RBM6: variants seen among roughly 807,000 people sequenced by gnomAD.
RBM6 encodes RNA binding motif protein 6, also known as RNA-binding protein 6.
In RBM6, 23 loss-of-function variants were observed where a neutral mutation model predicts 140.4. The observed-to-expected ratio is 0.16, with a 90% CI of 0.12 to 0.23. The LOEUF is 0.23. Ranked by LOEUF, RBM6 falls within the 10% of genes least tolerant of loss-of-function variation. The probability of loss-of-function intolerance (pLI) is 1.00; values close to 1 mark genes in which losing one functional copy is unlikely to be tolerated. For missense variants in RBM6, 1,139 were observed against 1,386.7 expected, an observed-to-expected ratio of 0.82 and a Z score of 2.84; for synonymous variants, 439 against 475.6, an observed-to-expected ratio of 0.92 and a Z score of 1.00.
intron 7 of RBM6, 38 bp downstream of exon 7, chr3:50,048,357 C>G: frequency 6.3e-7 from 1 of 1,597,122 alleles, no homozygotes; most frequent in Non-Finnish European, 8.6e-7. Context: ...AAGTAAGTAT[C>G]TGGAATAACA....
chr3:49,989,008 G>C (rs981107429), intron 5 of RBM6, among the ~76,000 whole-genome samples: 2 of 151,988 alleles, frequency 1.3e-5, no homozygotes, highest in African/African-American at 2.4e-5. Context: ...TGGACTAGCA[G>C]GAATTCATAG....
At chr3:50,012,251 A>G (rs562766567) in intron 6 of RBM6, among the ~76,000 whole-genome samples, 12 of 151,512 alleles carry the variant, frequency 7.9e-5, no homozygotes, top group East Asian at 5.8e-4. Flanking sequence ...GTCTCAATCT[A>G]TTGCCAAGGT....
Position 50,054,433 on chromosome 3 carries a change from A to G in RBM6, c.1693+38A>G, listed in dbSNP as rs192297388. The G allele has an allele frequency of 2.0e-6, 3 of 1,509,886 alleles. No individual in the cohort carries two copies. In the East Asian group the frequency reaches 6.8e-5, roughly 34 times the overall value. The allele number at this position is 1,509,886 out of a possible 1,614,324, so 93.5% of individuals were successfully genotyped here. The stretch of plus-strand genomic sequence containing the variant: ...AGTGGTAGCAGTTTTTATCTCGTGC[A>G]TTGAGCAAAACAAATTTCATGTTTT... On this transcript the variant is annotated intron_variant, in intron 8 of 20. Coordinates refer to ENST00000266022, the MANE Select transcript of RBM6 (RefSeq NM_005777.3).
intron 5 of RBM6, among the ~76,000 whole-genome samples, chr3:49,978,706 GTAAA>G (rs1428293717): frequency 6.6e-6 from 1 of 152,238 alleles, no homozygotes; most frequent in African/African-American, 2.4e-5. Context: ...ACTAACAGGA[GTAAA>G]TAAAGTCTCA....
chr3:50,018,949 A>G (rs1304679101), intron 6 of RBM6, among the ~76,000 whole-genome samples: 1 of 152,040 alleles, frequency 6.6e-6, no homozygotes, highest in African/African-American at 2.4e-5. Flanking sequence ...TAGCGATTAC[A>G]ATTTGCATTG....
chr3:50,019,551 C>T (rs147986395), intron 6 of RBM6, among the ~76,000 whole-genome samples: 176 of 152,104 alleles, frequency 1.2e-3, no homozygotes, highest in Non-Finnish European at 2.0e-3. Flanking sequence ...GATAGGGTCT[C>T]GCTATGTTGC....
At chr3:50,073,775 G>A (rs530512556) in intron 19 of RBM6, among the ~76,000 whole-genome samples, 2 of 151,928 alleles carry the variant, frequency 1.3e-5, no homozygotes, top group South Asian at 2.1e-4. Context: ...ACTTTTGCCA[G>A]AAGGATGAGG....
intron 5 of RBM6, among the ~76,000 whole-genome samples, chr3:49,993,716 A>C (rs2085937023): frequency 6.6e-6 from 1 of 151,444 alleles, no homozygotes; most frequent in Non-Finnish European, 1.5e-5. Flanking sequence ...AAAAAAAAAC[A>C]ACCCTTGTAT....
Position 50,075,313 on chromosome 3 carries a change from T to C in RBM6, c.3229T>C (p.Leu1077=). 1 of 1,613,630 alleles carries C rather than the reference T, an allele frequency of 6.2e-7. No individual in the cohort carries two copies. Among genetic ancestry groups the C allele is most frequent in the South Asian group, 1.1e-5 (1 of 90,928 alleles). Residue 1077 remains leucine (L), a synonymous_variant, in exon 20 of 21, where the codon TTG becomes CTG. Coordinates refer to ENST00000266022, the MANE Select transcript of RBM6 (RefSeq NM_005777.3). ...AGGCCTGGGATATGGCCATCCTGGA[T>C]TGGCTTCATCAGAGGAGGTAAAATG... ...GTGLGYGHPG[L]ASSEEAEGRM...
chr3:49,949,791 G>A (rs1437151824), intron 1 of RBM6, among the ~76,000 whole-genome samples: 2 of 152,118 alleles, frequency 1.3e-5, no homozygotes, highest in African/African-American at 2.4e-5. Context: ...ACAGGCCTGA[G>A]CTACCACGCC....
chr3:50,009,819 C>T (rs887408249), intron 6 of RBM6, among the ~76,000 whole-genome samples: 28 of 152,296 alleles, frequency 1.8e-4, no homozygotes, highest in African/African-American at 6.7e-4. Flanking sequence ...GCCTCAGACT[C>T]ACAAAGTTCT....
chr3:50,006,038 A>C (rs1003509361), intron 6 of RBM6, among the ~76,000 whole-genome samples: 2 of 152,130 alleles, frequency 1.3e-5, no homozygotes, highest in Non-Finnish European at 2.9e-5. Flanking sequence ...ACTTGATTAC[A>C]CATTTTGGCT....
intron 6 of RBM6, among the ~76,000 whole-genome samples, chr3:50,025,961 G>A (rs2087792265): frequency 6.6e-6 from 1 of 152,134 alleles, no homozygotes; most frequent in Non-Finnish European, 1.5e-5. Flanking sequence ...GGGTGTGGTG[G>A]CAGACGCCTG....
At chr3:50,029,252 C>G (rs1274304257) in intron 6 of RBM6, among the ~76,000 whole-genome samples, 1 of 152,090 alleles carries the variant, frequency 6.6e-6, no homozygotes, top group East Asian at 1.9e-4. Context: ...AAAAGGGTCC[C>G]TTAGGATGTA....
chr3:50,026,383 C>CTTT (rs750131367), intron 6 of RBM6, among the ~76,000 whole-genome samples: 1 of 127,664 alleles, frequency 7.8e-6, no homozygotes. Flanking sequence ...GTGCCCGGCC[C>CTTT]TTTTTTTTTT....
chr3:50,050,911 C>T (rs1207983066), intron 7 of RBM6, among the ~76,000 whole-genome samples: 1 of 151,982 alleles, frequency 6.6e-6, no homozygotes, highest in East Asian at 1.9e-4. Flanking sequence ...AATTGATTTG[C>T]ATGTATTTTT....
chr3:50,058,285 C>G (rs1392264207), intron 9 of RBM6, 117 bp from the exon 10 acceptor site: 1 of 1,198,130 alleles, frequency 8.3e-7, no homozygotes, highest in Non-Finnish European at 1.2e-6. Flanking sequence ...CATTTTTTTA[C>G]AGAACCAGCC....
At chr3:50,016,918 C>G (rs1050578883) in intron 6 of RBM6, among the ~76,000 whole-genome samples, 1 of 151,718 alleles carries the variant, frequency 6.6e-6, no homozygotes, top group Non-Finnish European at 1.5e-5. Flanking sequence ...CTCTGCCTCC[C>G]GGGTTCAAGT....
intron 6 of RBM6, among the ~76,000 whole-genome samples, chr3:50,026,869 A>C (rs2087858730): frequency 6.9e-6 from 1 of 145,912 alleles, no homozygotes; most frequent in African/African-American, 2.6e-5. Flanking sequence ...ACTGCACTCC[A>C]GCCTGGGTGA....
Sources: gnomAD v4.1 joint callset for allele counts (sites outside exome capture counted in the v4.1 genomes callset) on GRCh38, gnomAD v4.1.1 for gene constraint, MANE v1.5 for transcripts, NCBI Gene and HGNC (gene_info 2026-07-23, HGNC 2026-07-21) for gene names.